The following ZMAT4 variants were observed in gnomAD, a reference collection of about 807,000 sequenced individuals.
ZMAT4 encodes zinc finger matrin-type protein 4.
In ZMAT4, 17 loss-of-function variants were observed where a neutral mutation model predicts 28.7. The ratio of observed to expected loss-of-function variants is 0.59; its 90% confidence interval spans 0.41 to 0.89. ZMAT4 has a LOEUF of 0.89. Among genes scored for constraint, ZMAT4 ranks in the 40% least tolerant of loss-of-function variants. ZMAT4 has a pLI of 0.00. For missense variants in ZMAT4, 240 were observed against 283.8 expected (o/e 0.85, Z 1.11); for synonymous variants, 117 against 109.2 (o/e 1.07, Z -0.44).
chr8:40,706,388 A>C (rs1810352437), intron 3 of ZMAT4, among the ~76,000 whole-genome samples: 1 of 152,240 alleles, frequency 6.6e-6, no homozygotes, highest in South Asian at 2.1e-4. Flanking sequence ...GAACTTAAAA[A>C]TGAATGAATA....
At chr8:40,808,495 A>G (rs1815180843) in intron 2 of ZMAT4, 1 of 453,894 alleles carries the variant, frequency 2.2e-6, no homozygotes, top group Non-Finnish European at 4.4e-6. Flanking sequence ...AGTAGTATAA[A>G]GCTGAAAACT....
In ZMAT4 at chr8:40,566,302, T is replaced by C. The variant is rs146681180; in HGVS notation, c.674+14863A>G. On this transcript the variant is annotated intron_variant, in intron 6 of 6. Transcript: ENST00000297737. ...TATTTTATACTGGGTTTCTTTAGAG[T>C]AACTTGGAAATGAAAGCTGCCTCTC... Among the ~76,000 whole-genome samples the C allele has an allele frequency of 6.1e-4, 93 of 152,240 alleles. 1 individual carries two copies. In the East Asian group the frequency reaches 0.014, roughly 23 times the overall value.
intron 3 of ZMAT4, among the ~76,000 whole-genome samples, chr8:40,713,628 G>C (rs1009570452): frequency 5.9e-5 from 9 of 151,970 alleles, no homozygotes; most frequent in Admixed American, 6.6e-5. Context: ...ACATATCCAG[G>C]CCAGGCGCAG....
intron 5 of ZMAT4, among the ~76,000 whole-genome samples, chr8:40,615,943 A>G (rs1490044262): frequency 6.6e-6 from 1 of 152,234 alleles, no homozygotes; most frequent in Non-Finnish European, 1.5e-5. Context: ...ATCAGAGTGA[A>G]CAGGCAACCT....
At chr8:40,761,973 T>C (rs28578617) in intron 3 of ZMAT4, among the ~76,000 whole-genome samples, 1 of 152,210 alleles carries the variant, frequency 6.6e-6, no homozygotes, top group Non-Finnish European at 1.5e-5. Flanking sequence ...GAACTGGGGA[T>C]AGAATCTCCA....
intron 4 of ZMAT4, among the ~76,000 whole-genome samples, chr8:40,696,103 A>G (rs551859605): frequency 8.5e-5 from 13 of 152,236 alleles, no homozygotes; most frequent in Admixed American, 2.6e-4. Flanking sequence ...CTGAAACACA[A>G]CCTGTGCCCC....
intron 1 of ZMAT4, among the ~76,000 whole-genome samples, chr8:40,849,867 G>T (rs765790613): frequency 6.6e-6 from 1 of 152,172 alleles, no homozygotes; most frequent in Non-Finnish European, 1.5e-5. Flanking sequence ...TGAGCCCAAA[G>T]AGTTCAACCA....
intron 6 of ZMAT4, among the ~76,000 whole-genome samples, chr8:40,533,916 A>G (rs1462653335): frequency 6.6e-6 from 1 of 152,198 alleles, no homozygotes; most frequent in Non-Finnish European, 1.5e-5. Context: ...GTTCTCACTG[A>G]GCAAATAAGT....
chr8:40,650,447 C>A (rs1034200176), intron 5 of ZMAT4, among the ~76,000 whole-genome samples: 11 of 114,160 alleles, frequency 9.6e-5, no homozygotes, highest in African/African-American at 2.3e-4. Flanking sequence ...GCTTACCAAC[C>A]AAAAAGAGTC....
chr8:40,694,880 A>C lies in ZMAT4; in HGVS notation c.349+2365T>G, dbSNP rs1284479800. ...ACTCCCCTCACCTTTCTGTGTAAAA[A>C]CTGACCATAAAGAAATTATCTGTTT... is the stretch of plus-strand genomic sequence containing the variant. On this transcript the variant is annotated intron_variant, in intron 4 of 6. Coordinates refer to ENST00000297737, the MANE Select transcript of ZMAT4 (RefSeq NM_024645.3). Among the ~76,000 whole-genome samples, 5 of 152,088 alleles carry C rather than the reference A, an allele frequency of 3.3e-5. No homozygotes were observed. In the East Asian group the frequency reaches 9.6e-4, roughly 29 times the overall value.
chr8:40,790,250 C>T (rs1265938411), intron 2 of ZMAT4, among the ~76,000 whole-genome samples: 1 of 152,130 alleles, frequency 6.6e-6, no homozygotes, highest in Non-Finnish European at 1.5e-5. Flanking sequence ...ATGATTGTAG[C>T]AGTAGAAAAT....
chr8:40,571,962 A>G (rs1804113154), intron 6 of ZMAT4, among the ~76,000 whole-genome samples: 1 of 152,122 alleles, frequency 6.6e-6, no homozygotes, highest in African/African-American at 2.4e-5. Flanking sequence ...ATATCAGTAA[A>G]CTACATTGAA....
At chr8:40,790,849 A>G (rs1814296905) in intron 2 of ZMAT4, among the ~76,000 whole-genome samples, 1 of 152,234 alleles carries the variant, frequency 6.6e-6, no homozygotes, top group East Asian at 1.9e-4. Flanking sequence ...AGCAAAGAAC[A>G]GAGATAGAGA....
At chr8:40,796,659 G>A (rs923634012) in intron 2 of ZMAT4, among the ~76,000 whole-genome samples, 5 of 152,124 alleles carry the variant, frequency 3.3e-5, no homozygotes, top group Admixed American at 6.5e-5. Flanking sequence ...CCCCGGCTCC[G>A]CCCCGCACAG....
chr8:40,614,288 T>C (rs1038536542), intron 5 of ZMAT4, among the ~76,000 whole-genome samples: 6 of 152,242 alleles, frequency 3.9e-5, no homozygotes, highest in Admixed American at 3.9e-4. Context: ...AAAATCCTCT[T>C]TACAATAACA....
chr8:40,709,558 C>G (rs1810512116), intron 3 of ZMAT4, among the ~76,000 whole-genome samples: 1 of 152,194 alleles, frequency 6.6e-6, no homozygotes, highest in African/African-American at 2.4e-5. Flanking sequence ...ATATTTTAGA[C>G]TTGCAAAATA....
At chr8:40,678,568 C>A (rs1037029551) in intron 4 of ZMAT4, among the ~76,000 whole-genome samples, 1 of 152,154 alleles carries the variant, frequency 6.6e-6, no homozygotes, top group African/African-American at 2.4e-5. Context: ...AAGTAGTTCT[C>A]CCTCCTCTAA....
At chr8:40,750,998 A>C (rs567909195) in intron 3 of ZMAT4, among the ~76,000 whole-genome samples, 1 of 152,332 alleles carries the variant, frequency 6.6e-6, no homozygotes, top group South Asian at 2.1e-4. Context: ...GACACTGCTA[A>C]AGGATGTGGT....
At chr8:40,868,571 G>C (rs1025838405) in intron 1 of ZMAT4, among the ~76,000 whole-genome samples, 2 of 152,182 alleles carry the variant, frequency 1.3e-5, no homozygotes, top group African/African-American at 4.8e-5. Context: ...CTCAGTGGCA[G>C]CCAATACAAG....
Sources: allele counts gnomAD v4.1 joint callset (sites outside exome capture counted in the v4.1 genomes callset), GRCh38; gene constraint gnomAD v4.1.1; transcripts MANE v1.5; gene names NCBI Gene and HGNC (gene_info 2026-07-23, HGNC 2026-07-21).